SEMA5B: variants seen among roughly 807,000 people sequenced by gnomAD.
SEMA5B encodes semaphorin-5B.
In SEMA5B, 66 loss-of-function variants were observed where a neutral mutation model predicts 135.0. That is an observed-to-expected ratio of 0.49 (90% CI 0.40 to 0.60). The LOEUF (loss-of-function observed/expected upper bound fraction) is 0.60, where lower values mean the gene tolerates loss of function less well. Among genes scored for constraint, SEMA5B ranks in the 20% least tolerant of loss-of-function variants. The pLI, the probability that SEMA5B is intolerant of heterozygous loss-of-function variation, is 0.00. For synonymous variants in SEMA5B, 690 were observed against 639.5 expected, an observed-to-expected ratio of 1.08 and a Z score of -1.19; for missense variants, 1,501 against 1,566.3, an observed-to-expected ratio of 0.96 and a Z score of 0.70.
At position 122,926,451 on chromosome 3, in the gene SEMA5B, C is replaced by T. The variant is rs201965658; in HGVS notation, c.1077G>A (p.Leu359=). The T allele has an allele frequency of 2.7e-5, 44 of 1,614,088 alleles. No individual in the cohort carries two copies. The highest frequency in any genetic ancestry group is 1.6e-4 in the Middle Eastern group (1 of 6,084). ...PGEVPFYYNE[L]QSAFHLPEQD... Reference sequence around the variant, plus strand: ...GCTCCGGCAAGTGGAAGGCACTCTGCAGCTCGTTATAGTAGAAGGGGACCT... The same window carrying T: ...GCTCCGGCAAGTGGAAGGCACTCTGTAGCTCGTTATAGTAGAAGGGGACCT... The change falls in exon 9 of 23, where the codon CTG becomes CTA. Residue 359 remains leucine, a synonymous_variant. Coordinates refer to ENST00000357599, the MANE Select transcript of SEMA5B (RefSeq NM_001031702.4).
rs1298848239 is a variant in SEMA5B, at chr3:122,948,560, T to C, written c.274A>G (p.Ser92Gly). 6.2e-7 allele frequency: 1 copy of C among 1,613,472 alleles called. No homozygotes were observed. Among genetic ancestry groups the C allele is most frequent in the Non-Finnish European group, 8.5e-7 (1 of 1,179,588 alleles). The change falls in exon 3 of 23, where the codon AGC (serine) becomes GGC (glycine). Residue 92 changes from serine (S) to glycine (G), a missense_variant. Coordinates refer to ENST00000357599, the MANE Select transcript of SEMA5B (RefSeq NM_001031702.4). ...AGGGCGCACAGCTGCTGCTCACTGC[T>C]GGGCTCACTGGAGACATCCTGGGAG... ...SSSQDVSSEP[S>G]SEQQLCALSK... is the part of the protein sequence containing the mutation.
intron 4 of SEMA5B, among the ~76,000 whole-genome samples, chr3:122,941,331 C>A (rs563504050): frequency 1.2e-3 from 187 of 152,352 alleles, no homozygotes; most frequent in Non-Finnish European, 1.8e-3. Context: ...AAGTGTCCCT[C>A]CATCTTTGTG....
At chr3:122,990,102 G>A (rs1047096120) in intron 1 of SEMA5B, among the ~76,000 whole-genome samples, 2 of 152,230 alleles carry the variant, frequency 1.3e-5, no homozygotes, top group Non-Finnish European at 2.9e-5. Flanking sequence ...AGCCCAGCAG[G>A]CTGATTAAGA....
intron 1 of SEMA5B, among the ~76,000 whole-genome samples, chr3:123,019,956 C>T (rs1180695550): frequency 6.6e-6 from 1 of 152,184 alleles, no homozygotes; most frequent in Non-Finnish European, 1.5e-5. Context: ...CAGCGCGAAG[C>T]CTCAGAGGAG....
intron 9 of SEMA5B, 32 bp downstream of exon 9, chr3:122,926,360 C>G (rs1938630554): frequency 6.3e-7 from 1 of 1,587,104 alleles, no homozygotes; most frequent in East Asian, 2.3e-5. Flanking sequence ...CCTGACATCA[C>G]AGGCAAGGGG....
chr3:123,009,071 C>A (rs573942534), intron 1 of SEMA5B, among the ~76,000 whole-genome samples: 4 of 152,198 alleles, frequency 2.6e-5, no homozygotes, highest in Non-Finnish European at 1.5e-5. Context: ...GCATAAGACA[C>A]GGACCCGGTG....
intron 1 of SEMA5B, among the ~76,000 whole-genome samples, chr3:123,009,551 G>A (rs931751792): frequency 3.9e-5 from 6 of 152,062 alleles, no homozygotes; most frequent in Admixed American, 3.9e-4. Context: ...GTGTGTATGA[G>A]AGTGAGAGAA....
intron 1 of SEMA5B, among the ~76,000 whole-genome samples, chr3:122,990,270 T>C (rs1941835491): frequency 6.6e-6 from 1 of 152,106 alleles, no homozygotes; most frequent in Admixed American, 6.5e-5. Flanking sequence ...AGGACAAGTT[T>C]CTGCAGAGTC....
At position 122,911,569 on chromosome 3, in the gene SEMA5B, C is replaced by T. The variant is rs538014168; in HGVS notation, c.3047-34G>A. The T allele has an allele frequency of 5.1e-5, 81 of 1,597,586 alleles. 1 individual carries two copies. The highest frequency in any genetic ancestry group is 6.7e-5 in the African/African-American group (5 of 74,714). On this transcript the variant is annotated intron_variant, in intron 20 of 22. Coordinates refer to ENST00000357599, the MANE Select transcript of SEMA5B (RefSeq NM_001031702.4). ...AGACCAGTGGACAGGGTGTCAGGGG[C>T]GGAGACGAGAGGAGGGGGGCCCTGC...
intron 2 of SEMA5B, among the ~76,000 whole-genome samples, chr3:122,951,858 A>G (rs527670117): frequency 6.6e-6 from 1 of 151,984 alleles, no homozygotes; most frequent in Non-Finnish European, 1.5e-5. Flanking sequence ...TTCCCTTCCT[A>G]CTGCCCCTAC....
chr3:122,936,202 A>C (rs1286432097), intron 5 of SEMA5B, among the ~76,000 whole-genome samples: 1 of 152,198 alleles, frequency 6.6e-6, no homozygotes, highest in Non-Finnish European at 1.5e-5. Flanking sequence ...GATGATCTCT[A>C]GTAACAGTAG....
intron 3 of SEMA5B, among the ~76,000 whole-genome samples, chr3:122,946,055 A>G (rs1225383508): frequency 6.6e-6 from 1 of 152,190 alleles, no homozygotes; most frequent in Non-Finnish European, 1.5e-5. Context: ...GCACGTTCCG[A>G]GCTCTGTGTG....
At chr3:122,910,698 T>C (rs1937638123) in intron 22 of SEMA5B, 142 bp downstream of exon 22, 1 of 639,338 alleles carries the variant, frequency 1.6e-6, no homozygotes, top group South Asian at 2.6e-5. Context: ...TAGTCCCAGC[T>C]ACTTGGGAGG....
At chr3:122,954,019 A>G (rs1045074985) in intron 2 of SEMA5B, among the ~76,000 whole-genome samples, 1 of 152,214 alleles carries the variant, frequency 6.6e-6, no homozygotes, top group African/African-American at 2.4e-5. Flanking sequence ...GGAAACTGGA[A>G]TATGTAAATG....
chr3:122,954,055 TTTTG>T (rs1314279035), intron 2 of SEMA5B, among the ~76,000 whole-genome samples: 4 of 152,200 alleles, frequency 2.6e-5, no homozygotes, highest in Non-Finnish European at 5.9e-5. Context: ...TTCTTCTGTT[TTTTG>T]TTTGTTTGTT....
chr3:122,974,674 G>A (rs1941250709), intron 1 of SEMA5B, among the ~76,000 whole-genome samples: 1 of 152,078 alleles, frequency 6.6e-6, no homozygotes, highest in Admixed American at 6.5e-5. Flanking sequence ...GAAGGGGAGG[G>A]GGGTCTTTAA....
intron 1 of SEMA5B, among the ~76,000 whole-genome samples, chr3:122,963,154 A>G (rs1940661482): frequency 1.3e-5 from 2 of 152,218 alleles, no homozygotes; most frequent in Admixed American, 1.3e-4. Flanking sequence ...GATGCTAATG[A>G]AACTTTCAAT....
rs1287354376 is a variant in SEMA5B, at chr3:122,943,405, T to C, written c.428+31A>G. The C allele has an allele frequency of 2.7e-6, 4 of 1,495,974 alleles. No individual in the cohort carries two copies. In the African/African-American group the frequency reaches 5.5e-5, roughly 20 times the overall value. The allele number at this position is 1,495,974 out of a possible 1,614,324, so 92.7% of individuals were successfully genotyped here. On this transcript the variant is annotated intron_variant, in intron 4 of 22. Transcript: ENST00000357599. Reference sequence around the variant, plus strand: ...TCTACCCAGCTCCAAGCCCCTGCACTTCCCACCCCGACCCTTCTGCCCCTT... The same window carrying C: ...TCTACCCAGCTCCAAGCCCCTGCACCTCCCACCCCGACCCTTCTGCCCCTT...
chr3:123,005,196 C>T (rs1186123560), intron 1 of SEMA5B, among the ~76,000 whole-genome samples: 1 of 152,188 alleles, frequency 6.6e-6, no homozygotes, highest in Non-Finnish European at 1.5e-5. Context: ...CAGCCTTCCT[C>T]CACCTGTCCC....
Sources: allele counts gnomAD v4.1 joint callset (sites outside exome capture counted in the v4.1 genomes callset), GRCh38; gene constraint gnomAD v4.1.1; transcripts MANE v1.5; gene names NCBI Gene and HGNC (gene_info 2026-07-23, HGNC 2026-07-21).